The following UNC5B variants were observed in gnomAD, a reference collection of about 807,000 sequenced individuals.
UNC5B encodes unc-5 netrin receptor B.
In UNC5B, 56 loss-of-function variants were observed where a neutral mutation model predicts 103.7. The ratio of observed to expected loss-of-function variants is 0.54; its 90% CI spans 0.44 to 0.67. The LOEUF (loss-of-function observed/expected upper bound fraction) is 0.67. Ranked by LOEUF, UNC5B falls within the 30% of genes least tolerant of loss-of-function variation. The probability of loss-of-function intolerance (pLI) is 0.00; values close to 1 mark genes in which losing one functional copy is unlikely to be tolerated. For synonymous variants in UNC5B, 577 were observed against 542.0 expected, an observed-to-expected ratio of 1.06 and a Z score of -0.90; for missense variants, 1,194 against 1,284.5, an observed-to-expected ratio of 0.93 and a Z score of 1.08.
At chr10:71,266,499 A>G (rs1844527129) in intron 1 of UNC5B, among the ~76,000 whole-genome samples, 1 of 152,132 alleles carries the variant, frequency 6.6e-6, no homozygotes, top group Admixed American at 6.5e-5. Flanking sequence ...GCAGGTGCAA[A>G]CAAGCAGGCG....
At chr10:71,296,375 C>A (rs1168056469) in intron 14 of UNC5B, among the ~76,000 whole-genome samples, 1 of 152,202 alleles carries the variant, frequency 6.6e-6, no homozygotes, top group Admixed American at 6.5e-5. Flanking sequence ...TTCCCTCCCC[C>A]ACCTACCCAC....
chr10:71,269,421 T>C (rs779288064), intron 1 of UNC5B, among the ~76,000 whole-genome samples: 6 of 144,372 alleles, frequency 4.2e-5, no homozygotes, highest in Non-Finnish European at 9.2e-5. Context: ...AGGTGCTGTG[T>C]GATCTGGAGC....
At position 71,293,784 on chromosome 10, in the gene UNC5B, C is replaced by T; in HGVS notation, c.2026C>T (p.Gln676Ter). 1 of 1,604,292 alleles carries T rather than the reference C, an allele frequency of 6.2e-7. No individual in the cohort carries two copies. The highest frequency in any genetic ancestry group is 1.3e-5 in the African/African-American group (1 of 74,662). The stretch of plus-strand genomic sequence containing the variant: ...CAGGGCCTGTCACATCCTGCTGGAC[C>T]AGCTGGGCACCTACGTGTTCACGGG... Reference protein sequence around the residue: ...EPRACHILLDQLGTYVFTGES... With the variant: ...EPRACHILLD The change falls in exon 13 of 17, where the codon CAG becomes TAG. Residue 676 changes from glutamine (Q) to a stop codon, truncating the protein, a stop_gained. Transcript: ENST00000335350. LOFTEE classifies it high-confidence loss of function.
At chr10:71,244,943 C>T (rs1477031935) in intron 1 of UNC5B, among the ~76,000 whole-genome samples, 1 of 152,246 alleles carries the variant, frequency 6.6e-6, no homozygotes, top group African/African-American at 2.4e-5. Context: ...CCCAGATGTT[C>T]CTCACTTCCT....
chr10:71,287,889 C>G, intron 6 of UNC5B, 124 bp downstream of exon 6: 6 of 1,331,882 alleles, frequency 4.5e-6, no homozygotes, highest in Non-Finnish European at 5.0e-6. Context: ...GTCCCGAGCC[C>G]ACAGCCGGCT....
intron 1 of UNC5B, among the ~76,000 whole-genome samples, chr10:71,220,132 C>G (rs1237537445): frequency 2.6e-5 from 4 of 152,218 alleles, no homozygotes; most frequent in Non-Finnish European, 5.9e-5. Context: ...GCTTGGGTCA[C>G]GAACCCTCTC....
chr10:71,247,652 A>T (rs536352580), intron 1 of UNC5B, among the ~76,000 whole-genome samples: 150 of 151,328 alleles, frequency 9.9e-4, no homozygotes, highest in African/African-American at 3.2e-3. Flanking sequence ...TCAGCTGTAC[A>T]CCCCCAGTCC....
At chr10:71,255,714 A>G (rs182589211) in intron 1 of UNC5B, among the ~76,000 whole-genome samples, 53 of 152,326 alleles carry the variant, frequency 3.5e-4, no homozygotes, top group Non-Finnish European at 6.9e-4. Flanking sequence ...TCATTCACAG[A>G]GGAAGCCAAA....
intron 2 of UNC5B, among the ~76,000 whole-genome samples, chr10:71,281,647 G>A (rs1056139085): frequency 9.9e-5 from 15 of 152,190 alleles, no homozygotes; most frequent in African/African-American, 3.4e-4. Flanking sequence ...GCTAGAAAAA[G>A]GAATTTTTAA....
At chr10:71,222,933 G>A (rs940069271) in intron 1 of UNC5B, among the ~76,000 whole-genome samples, 1 of 152,234 alleles carries the variant, frequency 6.6e-6, no homozygotes, top group Non-Finnish European at 1.5e-5. Context: ...AATTGAGTCA[G>A]GAATTCCAGG....
chr10:71,212,603 C>T lies in UNC5B; in HGVS notation c.-383C>T, dbSNP rs1223053413. On this transcript the variant is annotated 5_prime_UTR_variant, in exon 1 of 17. Transcript: ENST00000335350. ...AGGCGGCTGGGGCCGGCTAGGGCGC[C>T]GGAGCCGCACGCAGCCGCGGGGCTC... 1.8e-5 allele frequency: 3 copies of T among 162,758 alleles called. No individual in the cohort carries two copies. Among genetic ancestry groups the T allele is most frequent in the African/African-American group, 4.8e-5 (2 of 41,822 alleles). The allele number at this position is 162,758 out of a possible 1,614,324, so 10.1% of individuals were successfully genotyped here. A position where few individuals can be genotyped will look rare whatever the true frequency, so the allele number is the denominator to read the frequency against.
intron 1 of UNC5B, among the ~76,000 whole-genome samples, chr10:71,277,434 C>T (rs1485817199): frequency 6.6e-6 from 1 of 152,218 alleles, no homozygotes; most frequent in Non-Finnish European, 1.5e-5. Context: ...AGACAAGATG[C>T]TGGTGGTGGG....
chr10:71,280,357 G>T (rs1844892177), intron 2 of UNC5B, among the ~76,000 whole-genome samples: 1 of 152,018 alleles, frequency 6.6e-6, no homozygotes, highest in Admixed American at 6.5e-5. Context: ...AAGAGGGCAG[G>T]TCTCTGCCTC....
At chr10:71,236,985 G>T (rs548485780) in intron 1 of UNC5B, among the ~76,000 whole-genome samples, 20 of 152,352 alleles carry the variant, frequency 1.3e-4, no homozygotes, top group African/African-American at 4.8e-4. Context: ...TCCACGGCTG[G>T]GATGTGGAAG....
In UNC5B at chr10:71,292,532, A is replaced by G. The variant is rs202229568; in HGVS notation, c.1750A>G (p.Ile584Val). ...CAAGTTCTACGAGATGTATCTACTC[A>G]TCAACAAGGCAGAAAGTACCCTGTG... ...QGKFYEMYLL[I>V]NKAESTLPLS... Residue 584 changes from isoleucine to valine, a missense_variant, in exon 11 of 17, where the codon ATC becomes GTC. Physicochemically the swap from Ile to Val is conservative, Grantham distance 29 (BLOSUM62 3). Transcript: ENST00000335350. 6 of 1,605,166 alleles carry G rather than the reference A, an allele frequency of 3.7e-6. 1 individual carries two copies. The Admixed American group carries it at 5.1e-5, about 14-fold the overall frequency.
chr10:71,262,158 G>A (rs1844428328), intron 1 of UNC5B, among the ~76,000 whole-genome samples: 1 of 152,160 alleles, frequency 6.6e-6, no homozygotes, highest in African/African-American at 2.4e-5. Context: ...AGGGAGTGGG[G>A]CAGGAGGGAG....
rs1845549451 is a variant in UNC5B, at chr10:71,299,963, A to G, written c.*686A>G. 6.6e-6 allele frequency: 1 copy of G among 152,112 alleles called. No individual in the cohort carries two copies. Among genetic ancestry groups the G allele is most frequent in the East Asian group, 1.9e-4 (1 of 5,194 alleles). 9.4% of individuals were successfully genotyped at this position (152,112 alleles called of 1,614,324 possible). A position where few individuals can be genotyped will look rare whatever the true frequency, so the allele number is the denominator to read the frequency against. Reference sequence around the variant, plus strand: ...ATGAAAAACAACACAAAAAAAATAGAAAACTCTTTTCTTGAGTGTGGATGA... The same window carrying G: ...ATGAAAAACAACACAAAAAAAATAGGAAACTCTTTTCTTGAGTGTGGATGA... On this transcript the variant is annotated 3_prime_UTR_variant, in exon 17 of 17. Transcript: ENST00000335350.
chr10:71,296,481 T>A (rs1845415052), intron 14 of UNC5B, 97 bp from the exon 15 acceptor site: 17 of 1,415,736 alleles, frequency 1.2e-5, no homozygotes, highest in Non-Finnish European at 1.6e-5. Flanking sequence ...AGGCCTGAAC[T>A]GCCCCCCAAA....
At chr10:71,256,029 A>T (rs1242119303) in intron 1 of UNC5B, among the ~76,000 whole-genome samples, 1 of 152,162 alleles carries the variant, frequency 6.6e-6, no homozygotes, top group Non-Finnish European at 1.5e-5. Context: ...GTTCTCAGTG[A>T]TCCTTCTGTG....
Sources: gnomAD v4.1 joint callset for allele counts (sites outside exome capture counted in the v4.1 genomes callset) on GRCh38, gnomAD v4.1.1 for gene constraint, MANE v1.5 for transcripts, NCBI Gene and HGNC (gene_info 2026-07-23, HGNC 2026-07-21) for gene names.